GIGYF2: variants seen among roughly 807,000 people sequenced by gnomAD.
GIGYF2 encodes the protein GRB10 interacting GYF protein 2.
In GIGYF2, 25 loss-of-function variants were observed where a neutral mutation model predicts 208.1. That is an observed-to-expected ratio of 0.12 (90% CI 0.09 to 0.17). The LOEUF is 0.17. GIGYF2 is among the 10% of genes least tolerant of loss of function. The probability of loss-of-function intolerance (pLI) is 1.00; values close to 1 mark genes in which losing one functional copy is unlikely to be tolerated. For missense variants in GIGYF2, 1,302 were observed against 1,579.4 expected (o/e 0.82, Z 2.98); for synonymous variants, 534 against 543.8 (o/e 0.98, Z 0.25).
intron 22 of GIGYF2, 156 bp downstream of exon 22, chr2:232,833,249 T>C (rs1701479797): frequency 3.2e-6 from 1 of 312,852 alleles, no homozygotes; most frequent in East Asian, 6.3e-5. Context: ...TGGGTCTCAC[T>C]CCCATCACCC....
intron 2 of GIGYF2, among the ~76,000 whole-genome samples, chr2:232,711,733 A>ATATATAT (rs1382378465): frequency 4.1e-5 from 6 of 145,544 alleles, no homozygotes; most frequent in South Asian, 2.2e-4. Flanking sequence ...ATATAGTTGT[A>ATATATAT]ATAGAATTTC....
intron 21 of GIGYF2, among the ~76,000 whole-genome samples, chr2:232,826,842 T>G (rs556947388): frequency 6.6e-6 from 1 of 152,360 alleles, no homozygotes; most frequent in African/African-American, 2.4e-5. Context: ...CAGACTTCAC[T>G]GATGTCTTAT....
At chr2:232,772,301 G>A (rs900533731) in intron 8 of GIGYF2, among the ~76,000 whole-genome samples, 4 of 152,072 alleles carry the variant, frequency 2.6e-5, no homozygotes, top group African/African-American at 4.8e-5. Flanking sequence ...ATGATGGATT[G>A]CTATCTCTTT....
At chr2:232,817,619 T>C (rs1700953663) in intron 20 of GIGYF2, among the ~76,000 whole-genome samples, 4 of 152,242 alleles carry the variant, frequency 2.6e-5, no homozygotes, top group Non-Finnish European at 5.9e-5. Flanking sequence ...CAATTTCTTA[T>C]GTAAGTAGAA....
At chr2:232,737,834 G>A (rs1002814913) in intron 3 of GIGYF2, among the ~76,000 whole-genome samples, 4 of 151,872 alleles carry the variant, frequency 2.6e-5, no homozygotes, top group African/African-American at 4.8e-5. Context: ...ATTTGTATCT[G>A]GGGACAATTG....
At chr2:232,776,984 T>C (rs1477736948) in intron 8 of GIGYF2, among the ~76,000 whole-genome samples, 2 of 152,170 alleles carry the variant, frequency 1.3e-5, no homozygotes, top group Non-Finnish European at 1.5e-5. Context: ...TAAGGACTTA[T>C]AGGCATAAAT....
In GIGYF2 at chr2:232,703,434, A is replaced by G. The variant is rs1195402812; in HGVS notation, c.-99A>G. On this transcript the variant is annotated 5_prime_UTR_variant, in exon 2 of 29. Coordinates refer to ENST00000373563, the MANE Select transcript of GIGYF2 (RefSeq NM_001103146.3). Reference sequence around the variant, plus strand: ...TTTTATTATTTACAGCGTTAAAAGGATCTGAACAAAGTCTGCTCAAATCTC... The same window carrying G: ...TTTTATTATTTACAGCGTTAAAAGGGTCTGAACAAAGTCTGCTCAAATCTC... 1 of 152,648 alleles carries G rather than the reference A, an allele frequency of 6.6e-6. No individual in the cohort carries two copies. Among genetic ancestry groups the G allele is most frequent in the African/African-American group, 2.4e-5 (1 of 41,456 alleles). The allele number at this position is 152,648 out of a possible 1,614,324, so 9.5% of individuals were successfully genotyped here.
At position 232,823,363 on chromosome 2, in the gene GIGYF2, C is replaced by CTTTTTTTTT. The variant is rs368386641; in HGVS notation, c.2529+3381_2529+3382insTTTTTTTTT. On this transcript the variant is annotated intron_variant, in intron 21 of 28. Coordinates refer to ENST00000373563, the MANE Select transcript of GIGYF2 (RefSeq NM_001103146.3). ...TTTTCTTTCTCTTTTTCCTTTCTTT[C>CTTTTTTTTT]TTTCTTTTTTTTTTTTTTTATTGAG... 3.6e-5 allele frequency among the ~76,000 whole-genome samples: 3 copies of CTTTTTTTTT among 83,630 alleles called. 1 individual carries two copies. Among genetic ancestry groups the CTTTTTTTTT allele is most frequent in the African/African-American group, 4.5e-5 (1 of 22,022 alleles). The allele number at this position is 83,630 out of a possible 152,430, so 54.9% of individuals were successfully genotyped here.
rs748949446 is a variant in GIGYF2 at position 232,747,608 on chromosome 2, A to G, written c.42-7A>G. 11 of 1,613,786 alleles carry G rather than the reference A, an allele frequency of 6.8e-6. No individual in the cohort carries two copies. Among genetic ancestry groups the G allele is most frequent in the East Asian group, 2.2e-5 (1 of 44,872 alleles). ...GTTTGACATATTCTCTGTCTTTTCT[A>G]TTCTAGGCTCCGAGCTCTGTCCAGT... On this transcript the variant is annotated splice_region_variant and splice_polypyrimidine_tract_variant and intron_variant, in intron 3 of 28. Coordinates refer to ENST00000373563, the MANE Select transcript of GIGYF2 (RefSeq NM_001103146.3).
rs999851914 is a variant in GIGYF2 at position 232,847,390 on chromosome 2, A to G, written c.3503A>G (p.Tyr1168Cys). ...TTCCTGAAAGAAGTAGAATCTCCTTATGAGGTCCATGATTATATCAGGGCC... is the reference window on the plus strand; with the variant it reads ...TTCCTGAAAGAAGTAGAATCTCCTTGTGAGGTCCATGATTATATCAGGGCC... ...VSFLKEVESP[Y>C]EVHDYIRAYL... The change falls in exon 27 of 29, where the codon TAT becomes TGT. Residue 1168 changes from tyrosine to cysteine, a missense_variant. By Grantham distance (194) the Tyr-to-Cys change is radical (BLOSUM62 -2). Coordinates refer to ENST00000373563, the MANE Select transcript of GIGYF2 (RefSeq NM_001103146.3). 1.2e-6 allele frequency: 2 copies of G among 1,612,914 alleles called. No individual in the cohort carries two copies. Among genetic ancestry groups the G allele is most frequent in the Non-Finnish European group, 1.7e-6 (2 of 1,179,066 alleles).
At position 232,796,186 on chromosome 2, in the gene GIGYF2, A is replaced by C. The variant is rs1312890410; in HGVS notation, c.1604A>C (p.Lys535Thr). 3 of 1,607,240 alleles carry C rather than the reference A, an allele frequency of 1.9e-6. No individual in the cohort carries two copies. The highest frequency in any genetic ancestry group is 2.7e-5 in the African/African-American group (2 of 74,930). The change falls in exon 14 of 29, where the codon AAG becomes ACG. Residue 535 changes from lysine (K) to threonine (T), a missense_variant. Transcript: ENST00000373563. ...CCATTGATGCATGAAGCAATGCAGA[A>C]GTGGTATTACAAAGATCCTCAGGGA... ...SIPLMHEAMQKWYYKDPQGEI... is the reference protein window; with the variant it reads ...SIPLMHEAMQTWYYKDPQGEI...
At chr2:232,743,337 T>C (rs1185382626) in intron 3 of GIGYF2, among the ~76,000 whole-genome samples, 1 of 152,110 alleles carries the variant, frequency 6.6e-6, no homozygotes. Flanking sequence ...TGAGGAGATA[T>C]GTTTAGAGAC....
rs545931634 is a variant in GIGYF2, at chr2:232,709,848, T to A, written c.-44+6359T>A. ...TGTAGAGGTGAAGCCTTAAGCCTGG[T>A]CTTGAACTCCTGGGCTCAAGTGATC... On this transcript the variant is annotated intron_variant, in intron 2 of 28. Transcript: ENST00000373563. Among the ~76,000 whole-genome samples, 4 of 152,250 alleles carry A rather than the reference T, an allele frequency of 2.6e-5. No homozygotes were observed. The East Asian group carries it at 7.7e-4, about 29-fold the overall frequency.
chr2:232,769,798 T>G (rs1168352351), intron 8 of GIGYF2, among the ~76,000 whole-genome samples: 2 of 152,176 alleles, frequency 1.3e-5, no homozygotes, highest in Admixed American at 6.5e-5. Context: ...AGAAACCAAA[T>G]TATTGAAATT....
chr2:232,838,239 A>G (rs1466599198), intron 22 of GIGYF2, among the ~76,000 whole-genome samples: 4 of 152,156 alleles, frequency 2.6e-5, no homozygotes, highest in Non-Finnish European at 5.9e-5. Flanking sequence ...ACCTAGAGAA[A>G]GAGCGTGTGT....
chr2:232,850,524 A>G lies in GIGYF2; in HGVS notation c.3832+115A>G, dbSNP rs532561166. 4 of 1,013,600 alleles carry G rather than the reference A, an allele frequency of 3.9e-6. No individual in the cohort carries two copies. In the African/African-American group the frequency reaches 4.8e-5, roughly 12 times the overall value. 62.8% of individuals were successfully genotyped at this position (1,013,600 alleles called of 1,614,324 possible). A position where few individuals can be genotyped will look rare whatever the true frequency, so the allele number is the denominator to read the frequency against. On this transcript the variant is annotated intron_variant, in intron 28 of 28. Transcript: ENST00000373563. ...AAGAAGGGAAATATTTCTTTTTATCAATAACTAATGTTTTAACTGGTTCAA... is the reference window on the plus strand; with the variant it reads ...AAGAAGGGAAATATTTCTTTTTATCGATAACTAATGTTTTAACTGGTTCAA...
chr2:232,799,582 T>G (rs1700331023), intron 14 of GIGYF2, among the ~76,000 whole-genome samples: 1 of 151,044 alleles, frequency 6.6e-6, no homozygotes, highest in Non-Finnish European at 1.5e-5. Context: ...ATAATAATAA[T>G]AATACTGCTT....
chr2:232,747,036 A>G (rs555696112), intron 3 of GIGYF2, among the ~76,000 whole-genome samples: 16 of 152,344 alleles, frequency 1.1e-4, no homozygotes, highest in African/African-American at 3.8e-4. Flanking sequence ...CATTTTATAT[A>G]AAAATTATCA....
intron 8 of GIGYF2, chr2:232,776,406 C>T: frequency 6.4e-7 from 1 of 1,559,384 alleles, no homozygotes; most frequent in Non-Finnish European, 8.8e-7. Context: ...CCCTGTTTCC[C>T]ATAAGGAAAG....
Sources: allele counts gnomAD v4.1 joint callset (sites outside exome capture counted in the v4.1 genomes callset), GRCh38; gene constraint gnomAD v4.1.1; transcripts MANE v1.5; gene names NCBI Gene and HGNC (gene_info 2026-07-23, HGNC 2026-07-21).